The following IGSF21 variants were observed in gnomAD, a reference collection of about 807,000 sequenced individuals.
IGSF21 encodes the protein immunoglobin superfamily member 21, also known as immunoglobulin superfamily member 21.
A neutral mutation model predicts 46.8 loss-of-function variants in IGSF21; 28 were observed. That is an observed-to-expected ratio of 0.60 (90% CI 0.44 to 0.82). The LOEUF is 0.82. IGSF21 is among the 40% of genes least tolerant of loss of function. IGSF21 has a pLI of 0.00. For synonymous variants in IGSF21, 284 were observed against 273.6 expected (o/e 1.04, Z -0.38); for missense variants, 624 against 665.5 (o/e 0.94, Z 0.69).
At chr1:18,362,864 C>A (rs1346116709) in intron 5 of IGSF21, among the ~76,000 whole-genome samples, 1 of 152,116 alleles carries the variant, frequency 6.6e-6, no homozygotes, top group East Asian at 1.9e-4. Context: ...GCAGGAGGTG[C>A]AGCGTCCAGA....
chr1:18,259,677 TGTGA>T (rs2084928491), intron 2 of IGSF21, among the ~76,000 whole-genome samples: 1 of 152,018 alleles, frequency 6.6e-6, no homozygotes, highest in Non-Finnish European at 1.5e-5. Flanking sequence ...AGGAAGGGTG[TGTGA>T]GTGTGTGTGT....
At chr1:18,198,733 G>A (rs1370925068) in intron 1 of IGSF21, among the ~76,000 whole-genome samples, 1 of 152,160 alleles carries the variant, frequency 6.6e-6, no homozygotes, top group East Asian at 1.9e-4. Context: ...TGGGCCCCAG[G>A]TGGAACTGGG....
At chr1:18,323,668 C>A (rs1218662321) in intron 3 of IGSF21, among the ~76,000 whole-genome samples, 5 of 152,194 alleles carry the variant, frequency 3.3e-5, no homozygotes, top group African/African-American at 1.2e-4. Context: ...GAGCTGGGGG[C>A]AGGGCGGAGA....
At chr1:18,209,874 G>T (rs573351995) in intron 1 of IGSF21, among the ~76,000 whole-genome samples, 1 of 151,982 alleles carries the variant, frequency 6.6e-6, no homozygotes, top group Non-Finnish European at 1.5e-5. Flanking sequence ...CCATGCATCC[G>T]TTGCCTTGAG....
At chr1:18,357,705 A>G (rs1302449787) in intron 4 of IGSF21, among the ~76,000 whole-genome samples, 1 of 152,108 alleles carries the variant, frequency 6.6e-6, no homozygotes, top group Non-Finnish European at 1.5e-5. Flanking sequence ...AGAGTGAAGC[A>G]TCTGTCAGGA....
chr1:18,277,849 C>T (rs765906169), intron 2 of IGSF21, among the ~76,000 whole-genome samples: 7 of 152,094 alleles, frequency 4.6e-5, no homozygotes, highest in Non-Finnish European at 1.5e-5. Flanking sequence ...ATTAGAATAA[C>T]GATCATCTCT....
chr1:18,217,041 T>C (rs1570347815), intron 1 of IGSF21, among the ~76,000 whole-genome samples: 1 of 152,012 alleles, frequency 6.6e-6, no homozygotes, highest in South Asian at 2.1e-4. Flanking sequence ...GGGAGGGTGG[T>C]GCGAGGAATT....
chr1:18,229,081 G>A (rs1236306980), intron 2 of IGSF21, among the ~76,000 whole-genome samples: 1 of 152,198 alleles, frequency 6.6e-6, no homozygotes, highest in African/African-American at 2.4e-5. Context: ...GCTATAGAAT[G>A]ACTTGGTTCA....
At chr1:18,198,611 C>T (rs913099505) in intron 1 of IGSF21, among the ~76,000 whole-genome samples, 5 of 152,202 alleles carry the variant, frequency 3.3e-5, no homozygotes, top group Admixed American at 2.6e-4. Context: ...TTTCTTAATG[C>T]TGTAATAAAA....
chr1:18,110,725 G>C (rs868726081), intron 1 of IGSF21: 2 of 152,350 alleles, frequency 1.3e-5, no homozygotes, highest in African/African-American at 2.4e-5. Flanking sequence ...CACATTTCTC[G>C]GGACTCCTGG....
rs151330945 is a variant in IGSF21, at chr1:18,291,068, G to A, written c.184-798G>A. Among the ~76,000 whole-genome samples the A allele has an allele frequency of 2.7e-3, 418 of 152,336 alleles. 2 individuals are homozygous for A. The highest frequency in any genetic ancestry group is 9.4e-3 in the African/African-American group (389 of 41,578). On this transcript the variant is annotated intron_variant, in intron 2 of 9. Coordinates refer to ENST00000251296, the MANE Select transcript of IGSF21 (RefSeq NM_032880.5). ...GACAACACATACCTTGCTGCTTCGT[G>A]GAGTAACACTTTCATTAGCTGGAGG...
chr1:18,179,779 A>G, intron 1 of IGSF21, among the ~76,000 whole-genome samples: 1 of 152,196 alleles, frequency 6.6e-6, no homozygotes. Context: ...CCCATCCTTT[A>G]GGTCCAGATC....
chr1:18,199,183 A>C (rs2087040356), intron 1 of IGSF21, among the ~76,000 whole-genome samples: 2 of 152,232 alleles, frequency 1.3e-5, no homozygotes, highest in Admixed American at 1.3e-4. Flanking sequence ...GCTCTGGTGA[A>C]TAAAGAGTGG....
At chr1:18,151,206 T>C (rs2086519092) in intron 1 of IGSF21, among the ~76,000 whole-genome samples, 2 of 152,208 alleles carry the variant, frequency 1.3e-5, no homozygotes, top group Non-Finnish European at 2.9e-5. Flanking sequence ...CTTGTCACAG[T>C]CAGGGTAATT....
At chr1:18,336,919 C>G (rs1449226175) in intron 4 of IGSF21, among the ~76,000 whole-genome samples, 1 of 152,166 alleles carries the variant, frequency 6.6e-6, no homozygotes, top group African/African-American at 2.4e-5. Context: ...CAGGGAAACT[C>G]CCCTTTATGA....
chr1:18,351,859 T>C (rs1055922917), intron 4 of IGSF21, among the ~76,000 whole-genome samples: 25 of 152,218 alleles, frequency 1.6e-4, no homozygotes, highest in Admixed American at 1.5e-3. Flanking sequence ...ACATTCTCTC[T>C]ATTGCTACAT....
intron 1 of IGSF21, among the ~76,000 whole-genome samples, chr1:18,134,478 G>A (rs971947148): frequency 2.6e-5 from 4 of 152,152 alleles, no homozygotes; most frequent in African/African-American, 9.7e-5. Flanking sequence ...CTGGGGGAGG[G>A]TTAATTACTC....
At chr1:18,237,185 A>C (rs1209223533) in intron 2 of IGSF21, among the ~76,000 whole-genome samples, 2 of 152,164 alleles carry the variant, frequency 1.3e-5, no homozygotes, top group Non-Finnish European at 2.9e-5. Flanking sequence ...GTGGCAGCCG[A>C]GAGCGTTTAG....
chr1:18,243,637 G>A (rs1011096232), intron 2 of IGSF21, among the ~76,000 whole-genome samples: 2 of 152,066 alleles, frequency 1.3e-5, no homozygotes, highest in Non-Finnish European at 1.5e-5. Context: ...AATAAAACCC[G>A]GGAGGCACCA....
Sources: gnomAD v4.1 joint callset for allele counts (sites outside exome capture counted in the v4.1 genomes callset) on GRCh38, gnomAD v4.1.1 for gene constraint, MANE v1.5 for transcripts, NCBI Gene and HGNC (gene_info 2026-07-23, HGNC 2026-07-21) for gene names.